Variants in TCF7L2 observed in about 807,000 individuals in gnomAD.
The protein encoded by TCF7L2 is transcription factor 7 like 2.
TCF7L2 carries 23 observed loss-of-function variants against 77.9 expected under a neutral mutation model. That is an observed-to-expected ratio of 0.30 (90% CI 0.21 to 0.42). The LOEUF is 0.42. Ranked by LOEUF, TCF7L2 falls within the 10% of genes least tolerant of loss-of-function variation. TCF7L2 has a pLI of 1.00. For synonymous variants in TCF7L2, 413 were observed against 340.2 expected, an observed-to-expected ratio of 1.21 and a Z score of -2.36; for missense variants, 654 against 793.1, an observed-to-expected ratio of 0.82 and a Z score of 2.11.
chr10:112,986,935 A>G (rs1304933821), intron 4 of TCF7L2, among the ~76,000 whole-genome samples: 1 of 152,076 alleles, frequency 6.6e-6, no homozygotes, highest in Non-Finnish European at 1.5e-5. Flanking sequence ...TTTCTTGCAG[A>G]TATTGGTGGG....
chr10:112,970,675 A>G (rs1164951107), intron 4 of TCF7L2, among the ~76,000 whole-genome samples: 1 of 152,142 alleles, frequency 6.6e-6, no homozygotes, highest in Non-Finnish European at 1.5e-5. Flanking sequence ...CAGTGTTTGC[A>G]GGGCGCTTGA....
intron 5 of TCF7L2, chr10:113,089,684 G>A: frequency 1.8e-6 from 2 of 1,117,334 alleles, no homozygotes; most frequent in Non-Finnish European, 2.5e-6. Flanking sequence ...TGGGTGCCAT[G>A]ATGTCTGGGT....
chr10:113,127,113 CA>C (rs2065774917), intron 5 of TCF7L2: 2 of 188,990 alleles, frequency 1.1e-5, no homozygotes, highest in African/African-American at 4.8e-5. Context: ...TAAAACAAAA[CA>C]AAACAAAACA....
chr10:113,023,495 G>A (rs1275731116), intron 4 of TCF7L2, among the ~76,000 whole-genome samples: 4 of 151,964 alleles, frequency 2.6e-5, no homozygotes, highest in African/African-American at 9.7e-5. Context: ...TTTTTGAGAT[G>A]GAGTCTCCCT....
At chr10:113,060,139 G>T (rs889488621) in intron 5 of TCF7L2, among the ~76,000 whole-genome samples, 2 of 152,338 alleles carry the variant, frequency 1.3e-5, no homozygotes, top group Admixed American at 1.3e-4. Context: ...CAAAAATCAA[G>T]TGGTTGGAAT....
intron 5 of TCF7L2, among the ~76,000 whole-genome samples, chr10:113,120,666 A>G (rs1211228469): frequency 1.3e-5 from 2 of 152,118 alleles, no homozygotes; most frequent in Admixed American, 1.3e-4. Context: ...GTTATGAAAT[A>G]CTGAGTTGCA....
chr10:113,051,215 A>ACG (rs1317991157), intron 5 of TCF7L2, among the ~76,000 whole-genome samples: 2 of 144,310 alleles, frequency 1.4e-5, no homozygotes, highest in Non-Finnish European at 3.1e-5. Context: ...ACACACACAC[A>ACG]CACACACACA....
intron 8 of TCF7L2, among the ~76,000 whole-genome samples, chr10:113,150,725 G>A (rs1407576849): frequency 2.0e-5 from 3 of 152,122 alleles, no homozygotes; most frequent in Non-Finnish European, 4.4e-5. Flanking sequence ...CCACTTTTCC[G>A]CCCAAGTACG....
chr10:113,152,731 G>T (rs1039928191), intron 11 of TCF7L2, among the ~76,000 whole-genome samples: 8 of 152,176 alleles, frequency 5.3e-5, no homozygotes, highest in Admixed American at 3.9e-4. Context: ...CTCCTTTCTA[G>T]AGGAGGCAAG....
At chr10:113,055,732 C>T (rs1418754621) in intron 5 of TCF7L2, among the ~76,000 whole-genome samples, 2 of 152,216 alleles carry the variant, frequency 1.3e-5, no homozygotes, top group African/African-American at 4.8e-5. Context: ...GTGCACATCA[C>T]TGTGCCTAGC....
At chr10:113,034,669 G>C (rs1037732762) in intron 4 of TCF7L2, among the ~76,000 whole-genome samples, 3 of 152,170 alleles carry the variant, frequency 2.0e-5, no homozygotes, top group Admixed American at 2.0e-4. Context: ...GCTGAGGTGG[G>C]AGGGTCATCT....
At position 113,027,783 on chromosome 10, in the gene TCF7L2, C is replaced by A. The variant is rs151088796; in HGVS notation, c.451-12242C>A. 2.1e-3 allele frequency among the ~76,000 whole-genome samples: 318 copies of A among 152,230 alleles called. 1 individual carries two copies. The highest frequency in any genetic ancestry group is 6.1e-3 in the African/African-American group (255 of 41,540). ...TCCTCCCTCTCCTCTTCTCTCCCCCCCTCACCCTATTCAACCCAGCCCCAC... is the reference window on the plus strand; with the variant it reads ...TCCTCCCTCTCCTCTTCTCTCCCCCACTCACCCTATTCAACCCAGCCCCAC... On this transcript the variant is annotated intron_variant, in intron 4 of 13. Coordinates refer to ENST00000627217, the MANE Select transcript of TCF7L2 (RefSeq NM_001146274.2).
chr10:113,125,511 A>G (rs1304616478), intron 5 of TCF7L2: 2 of 152,204 alleles, frequency 1.3e-5, no homozygotes, highest in Admixed American at 6.5e-5. Context: ...TTTAAAAAAA[A>G]ATTCTAGCAG....
At chr10:113,024,308 A>AAAACAAAC (rs761524020) in intron 4 of TCF7L2, among the ~76,000 whole-genome samples, 15 of 152,100 alleles carry the variant, frequency 9.9e-5, no homozygotes, top group African/African-American at 2.9e-4. Flanking sequence ...ACAACAAAAC[A>AAAACAAAC]AAACAAACAA....
At chr10:112,973,094 T>G (rs1393427652) in intron 4 of TCF7L2, among the ~76,000 whole-genome samples, 1 of 152,212 alleles carries the variant, frequency 6.6e-6, no homozygotes, top group Non-Finnish European at 1.5e-5. Context: ...AATCCTGGGT[T>G]CTACTCCTTG....
chr10:113,103,789 C>G (rs544813678), intron 5 of TCF7L2, among the ~76,000 whole-genome samples: 1 of 152,220 alleles, frequency 6.6e-6, no homozygotes, highest in Admixed American at 6.5e-5. Context: ...CTGCTGTGTT[C>G]CACTCCCCAT....
intron 5 of TCF7L2, among the ~76,000 whole-genome samples, chr10:113,055,266 A>G (rs987941191): frequency 3.3e-5 from 5 of 152,240 alleles, no homozygotes; most frequent in African/African-American, 1.2e-4. Flanking sequence ...CTCTTTCCTC[A>G]TAATCACACC....
At chr10:112,984,224 A>C (rs1483501531) in intron 4 of TCF7L2, among the ~76,000 whole-genome samples, 2 of 152,344 alleles carry the variant, frequency 1.3e-5, no homozygotes, top group East Asian at 3.9e-4. Flanking sequence ...GTAAAACAGT[A>C]GGTTATACCT....
At chr10:113,135,829 TA>T (rs1379759074) in intron 5 of TCF7L2, among the ~76,000 whole-genome samples, 3 of 152,176 alleles carry the variant, frequency 2.0e-5, no homozygotes, top group Non-Finnish European at 4.4e-5. Flanking sequence ...ATTTGGGGTT[TA>T]GGGGCAATAT....
Sources: gnomAD v4.1 joint callset for allele counts (sites outside exome capture counted in the v4.1 genomes callset) on GRCh38, gnomAD v4.1.1 for gene constraint, MANE v1.5 for transcripts, NCBI Gene and HGNC (gene_info 2026-07-23, HGNC 2026-07-21) for gene names.